The following ERBIN variants were observed in gnomAD, a reference collection of about 807,000 sequenced individuals.
The protein encoded by ERBIN is erbb2 interacting protein.
ERBIN carries 60 observed loss-of-function variants against 158.4 expected under a neutral mutation model. That is an observed-to-expected ratio of 0.38 (90% CI 0.31 to 0.47). The LOEUF (loss-of-function observed/expected upper bound fraction) is 0.47, where lower values mean the gene tolerates loss of function less well. Among genes scored for constraint, ERBIN ranks in the 20% least tolerant of loss-of-function variants. The pLI is 0.99. For missense variants in ERBIN, 1,610 were observed against 1,648.0 expected (o/e 0.98, Z 0.40); for synonymous variants, 594 against 557.2 (o/e 1.07, Z -0.93).
At chr5:65,981,644 T>TAA (rs1355426334) in intron 1 of ERBIN, among the ~76,000 whole-genome samples, 2 of 149,682 alleles carry the variant, frequency 1.3e-5, no homozygotes, top group Admixed American at 6.6e-5. Flanking sequence ...TAGTTATTTT[T>TAA]AAACAACAAA....
chr5:66,041,728 C>T (rs951198450), intron 15 of ERBIN, among the ~76,000 whole-genome samples: 1 of 151,996 alleles, frequency 6.6e-6, no homozygotes, highest in African/African-American at 2.4e-5. Flanking sequence ...ATTGAAATTA[C>T]TGCCCTGGAA....
chr5:65,957,102 T>C (rs1262340684), intron 1 of ERBIN, among the ~76,000 whole-genome samples: 2 of 152,230 alleles, frequency 1.3e-5, no homozygotes, highest in Non-Finnish European at 2.9e-5. Context: ...TTTTTGCTAT[T>C]ATAATTTAAC....
intron 1 of ERBIN, among the ~76,000 whole-genome samples, chr5:65,928,634 GAGTAGT>G (rs1163466067): frequency 6.6e-6 from 1 of 152,122 alleles, no homozygotes; most frequent in Non-Finnish European, 1.5e-5. Context: ...CTCAGGAGAA[GAGTAGT>G]ATGTTTCGAT....
At chr5:66,003,051 T>C (rs1183784348) in intron 4 of ERBIN, among the ~76,000 whole-genome samples, 2 of 152,242 alleles carry the variant, frequency 1.3e-5, no homozygotes, top group African/African-American at 2.4e-5. Flanking sequence ...TTTGTTGTGT[T>C]ATATCTGGTC....
At chr5:65,927,397 C>T (rs982079566) in intron 1 of ERBIN, among the ~76,000 whole-genome samples, 1 of 151,986 alleles carries the variant, frequency 6.6e-6, no homozygotes, top group African/African-American at 2.4e-5. Context: ...TAATATATTT[C>T]TTTAGTTGTG....
chr5:66,044,228 A>T lies in ERBIN; in HGVS notation c.1520A>T (p.Asp507Val). Residue 507 changes from aspartate (D) to valine (V), a missense_variant, in exon 17 of 26, where the codon GAT becomes GTT. Around this residue, in one of 2 missense-constraint regions of ERBIN, gnomAD observed 596 missense variants for 711.9 expected, o/e 0.84. Transcript: ENST00000284037. ...CAAACCATTGTACATAGATTAAAAG[A>T]TGAAGAGACCAATGAAGACTCAGGA... ...TVQTIVHRLK[D>V]EETNEDSGRD... is the part of the protein sequence containing the mutation. The T allele has an allele frequency of 1.2e-6, 2 of 1,612,828 alleles. No individual in the cohort carries two copies. The highest frequency in any genetic ancestry group is 1.7e-6 in the Non-Finnish European group (2 of 1,179,428).
chr5:65,960,474 C>T (rs1229502270), intron 1 of ERBIN, among the ~76,000 whole-genome samples: 1 of 152,164 alleles, frequency 6.6e-6, no homozygotes, highest in Non-Finnish European at 1.5e-5. Context: ...ACCTCAAAAA[C>T]AAACAATGAA....
intron 22 of ERBIN, among the ~76,000 whole-genome samples, chr5:66,073,870 C>T (rs1761740257): frequency 6.6e-6 from 1 of 151,758 alleles, no homozygotes; most frequent in Non-Finnish European, 1.5e-5. Context: ...TGTAATATGA[C>T]TGTAACCTCT....
intron 4 of ERBIN, among the ~76,000 whole-genome samples, chr5:66,004,669 C>G (rs1018849473): frequency 1.3e-5 from 2 of 152,122 alleles, no homozygotes; most frequent in African/African-American, 4.8e-5. Flanking sequence ...TTCCAAAGTG[C>G]TGGTATTACA....
intron 11 of ERBIN, 48 bp from the exon 12 acceptor site, chr5:66,025,800 A>G (rs1030821055): frequency 7.9e-7 from 1 of 1,271,870 alleles, no homozygotes; most frequent in Admixed American, 3.1e-5. Context: ...TGGATTATAT[A>G]TAGGAAATCT....
At chr5:66,031,380 TAAG>T (rs1291686463) in intron 14 of ERBIN, among the ~76,000 whole-genome samples, 1 of 152,178 alleles carries the variant, frequency 6.6e-6, no homozygotes, top group Non-Finnish European at 1.5e-5. Context: ...CCAGGCAATT[TAAG>T]GTGGGAACAA....
At chr5:66,032,769 G>A (rs1488788438) in intron 14 of ERBIN, among the ~76,000 whole-genome samples, 1 of 152,160 alleles carries the variant, frequency 6.6e-6, no homozygotes, top group Non-Finnish European at 1.5e-5. Flanking sequence ...CAGAACTGGG[G>A]GAAGAGCAGG....
chr5:66,004,389 T>TGC (rs1165873668), intron 4 of ERBIN, among the ~76,000 whole-genome samples: 16 of 149,476 alleles, frequency 1.1e-4, no homozygotes, highest in South Asian at 4.1e-4. Flanking sequence ...CGTGTGTGTG[T>TGC]GCGCGCGCGT....
At chr5:66,055,567 G>A (rs1395384108) in intron 21 of ERBIN, among the ~76,000 whole-genome samples, 1 of 152,046 alleles carries the variant, frequency 6.6e-6, no homozygotes, top group Non-Finnish European at 1.5e-5. Flanking sequence ...AATTTTATGT[G>A]TAGATGTTCA....
Position 66,053,512 on chromosome 5 carries a change from G to C in ERBIN, c.2194G>C (p.Glu732Gln), listed in dbSNP as rs765790526. 2 of 1,611,776 alleles carry C rather than the reference G, an allele frequency of 1.2e-6. No individual in the cohort carries two copies. The highest frequency in any genetic ancestry group is 3.4e-5 in the Admixed American group (2 of 59,336). ...AHDKKDFNLP[E>Q]YDLNVEERLV... ...TGATAAAAAAGATTTTAACTTACCT[G>C]AATATGATTTGAATGTTGAAGAGCG... Residue 732 changes from glutamate (E) to glutamine (Q), a missense_variant, in exon 21 of 26, where the codon GAA becomes CAA. Physicochemically the swap from Glu to Gln is conservative, Grantham distance 29 (BLOSUM62 2). This residue lies in a region of ERBIN where 1,014 missense variants were observed against 936.1 expected (regional missense o/e 1.08). Transcript: ENST00000284037.
At chr5:66,036,072 G>A (rs1264389612) in intron 14 of ERBIN, among the ~76,000 whole-genome samples, 1 of 152,028 alleles carries the variant, frequency 6.6e-6, no homozygotes, top group Admixed American at 6.6e-5. Context: ...CTCCAGCCTG[G>A]GTGACAGAAC....
chr5:65,960,978 A>G (rs1209410160), intron 1 of ERBIN, among the ~76,000 whole-genome samples: 1 of 152,184 alleles, frequency 6.6e-6, no homozygotes, highest in Non-Finnish European at 1.5e-5. Context: ...TATTTTCAAA[A>G]TGACTCTTTT....
At chr5:66,076,973 T>TA (rs998970445) in intron 25 of ERBIN, 24 bp downstream of exon 25, 2 of 1,506,948 alleles carry the variant, frequency 1.3e-6, no homozygotes, top group Middle Eastern at 1.9e-4. Context: ...ATCTTTTTTT[T>TA]TTTCATTTTA....
rs766345241 is a variant in ERBIN at position 65,992,832 on chromosome 5, G to A, written c.114G>A (p.Pro38=). 7 of 1,613,350 alleles carry A rather than the reference G, an allele frequency of 4.3e-6. No homozygotes were observed. The highest frequency in any genetic ancestry group is 3.3e-5 in the South Asian group (3 of 90,918). The change falls in exon 3 of 26, where the codon CCG becomes CCA. Residue 38 remains proline (P), a synonymous_variant. Transcript: ENST00000284037. The part of the protein sequence containing the change: ...DYSHCSLEQV[P]KEIFTFEKTL... ...CTCATTGCAGCTTAGAACAAGTTCC[G>A]AAAGAGATTTTTACTTTTGAAAAAA...
Sources: allele counts gnomAD v4.1 joint callset (sites outside exome capture counted in the v4.1 genomes callset), GRCh38; gene constraint gnomAD v4.1.1; regional missense constraint gnomAD v4.1.1; transcripts MANE v1.5; gene names NCBI Gene and HGNC (gene_info 2026-07-23, HGNC 2026-07-21).